CHD7: variants seen among roughly 807,000 people sequenced by gnomAD.
CHD7 encodes ATP-dependent chromatin remodeler CHD7.
A neutral mutation model predicts 307.3 loss-of-function variants in CHD7; 24 were observed. The ratio of observed to expected loss-of-function variants is 0.08; its 90% confidence interval spans 0.06 to 0.11. The LOEUF (loss-of-function observed/expected upper bound fraction) is 0.11. Among genes scored for constraint, CHD7 ranks in the 10% least tolerant of loss-of-function variants. The probability of loss-of-function intolerance (pLI) is 1.00; values close to 1 mark genes in which losing one functional copy is unlikely to be tolerated. For synonymous variants in CHD7, 1,363 were observed against 1,349.9 expected (o/e 1.01, Z -0.21); for missense variants, 3,106 against 3,727.1 (o/e 0.83, Z 4.34).
chr8:60,725,256 C>T (rs1029405342), intron 1 of CHD7, among the ~76,000 whole-genome samples: 4 of 152,066 alleles, frequency 2.6e-5, no homozygotes, highest in African/African-American at 7.2e-5. Context: ...AAGGAATGTT[C>T]GGTTATCTCT....
At chr8:60,841,150 A>G (rs1180135424) in intron 19 of CHD7, among the ~76,000 whole-genome samples, 1 of 152,180 alleles carries the variant, frequency 6.6e-6, no homozygotes, top group Non-Finnish European at 1.5e-5. Context: ...GTTAACATAT[A>G]CAGACACTGC....
chr8:60,805,785 A>C (rs1812508589), intron 6 of CHD7, among the ~76,000 whole-genome samples: 1 of 152,226 alleles, frequency 6.6e-6, no homozygotes, highest in East Asian at 1.9e-4. Flanking sequence ...GAGCATAGAC[A>C]TGATAAATCT....
intron 1 of CHD7, among the ~76,000 whole-genome samples, chr8:60,731,903 T>A (rs1333926831): frequency 1.3e-5 from 2 of 152,266 alleles, no homozygotes; most frequent in Non-Finnish European, 2.9e-5. Flanking sequence ...TTGCATTGCC[T>A]TAACAGGCAT....
At chr8:60,795,645 A>C (rs894785916) in intron 4 of CHD7, among the ~76,000 whole-genome samples, 5 of 152,204 alleles carry the variant, frequency 3.3e-5, no homozygotes, top group African/African-American at 1.2e-4. Flanking sequence ...TGACTTTCCA[A>C]ATGGCAACTC....
chr8:60,779,107 A>C (rs1811084475), intron 2 of CHD7, among the ~76,000 whole-genome samples: 1 of 152,174 alleles, frequency 6.6e-6, no homozygotes, highest in African/African-American at 2.4e-5. Flanking sequence ...GGCAATAAGT[A>C]TTTTAAGATT....
intron 1 of CHD7, among the ~76,000 whole-genome samples, chr8:60,693,099 A>G (rs973725193): frequency 6.6e-6 from 1 of 152,064 alleles, no homozygotes; most frequent in African/African-American, 2.4e-5. Context: ...GGTCCTGGCA[A>G]CCCAGCTGAT....
In CHD7 at chr8:60,866,092, G is replaced by A; in HGVS notation, c.*159G>A. 1.6e-6 allele frequency: 1 copy of A among 631,888 alleles called. No individual in the cohort carries two copies. Among genetic ancestry groups the A allele is most frequent in the Non-Finnish European group, 2.8e-6 (1 of 362,760 alleles). The allele number at this position is 631,888 out of a possible 1,614,324, so 39.1% of individuals were successfully genotyped here. On this transcript the variant is annotated 3_prime_UTR_variant, in exon 38 of 38. Coordinates refer to ENST00000423902, the MANE Select transcript of CHD7 (RefSeq NM_017780.4). ...GTCATGTTATACAGGTGTGTCAAAAGGTATCTTGGTCATTAAGTATTGTGC... is the reference window on the plus strand; with the variant it reads ...GTCATGTTATACAGGTGTGTCAAAAAGTATCTTGGTCATTAAGTATTGTGC...
chr8:60,817,023 T>C (rs1586380465), intron 8 of CHD7, among the ~76,000 whole-genome samples: 1 of 152,226 alleles, frequency 6.6e-6, no homozygotes, highest in East Asian at 1.9e-4. Context: ...CAGGTATCAG[T>C]ATAGAAGTAC....
intron 6 of CHD7, among the ~76,000 whole-genome samples, chr8:60,804,568 T>C (rs879374294): frequency 1.3e-5 from 2 of 152,340 alleles, no homozygotes; most frequent in Admixed American, 1.3e-4. Context: ...GTGTCTCTAG[T>C]AAAGTATACA....
chr8:60,754,792 TG>T (rs1265378739), intron 2 of CHD7, among the ~76,000 whole-genome samples: 1 of 152,248 alleles, frequency 6.6e-6, no homozygotes, highest in Non-Finnish European at 1.5e-5. Flanking sequence ...GTTGACGTCC[TG>T]TTTCATATTG....
chr8:60,709,311 G>A (rs1364240251), intron 1 of CHD7, among the ~76,000 whole-genome samples: 1 of 152,118 alleles, frequency 6.6e-6, no homozygotes, highest in Non-Finnish European at 1.5e-5. Context: ...TGCTTGACTG[G>A]AACTCAGCTA....
In CHD7 at chr8:60,818,914, A is replaced by G. The variant is rs77382327; in HGVS notation, c.2614-1093A>G. On this transcript the variant is annotated intron_variant, in intron 8 of 37. Transcript: ENST00000423902. The stretch of plus-strand genomic sequence containing the variant: ...TGTGTCTTTTGTTTTCTAACATCTG[A>G]AACTTGTCTGACCCTAACTTCTTTT... Among the ~76,000 whole-genome samples the G allele has an allele frequency of 4.7e-3, 717 of 152,326 alleles. 10 individuals carry two copies. The highest frequency in any genetic ancestry group is 0.016 in the African/African-American group (667 of 41,576).
intron 1 of CHD7, among the ~76,000 whole-genome samples, chr8:60,698,777 C>T (rs967787072): frequency 2.6e-5 from 4 of 152,170 alleles, no homozygotes; most frequent in African/African-American, 7.2e-5. Context: ...CTTTTCTTCT[C>T]TTCTCTTTCT....
intron 32 of CHD7, 145 bp from the exon 33 acceptor site, chr8:60,855,829 AT>A: frequency 4.8e-6 from 3 of 622,356 alleles, no homozygotes; most frequent in Non-Finnish European, 8.4e-6. Context: ...TTCTTGTTTG[AT>A]TTCTTGCCTT....
At chr8:60,815,545 A>AGT (rs1170353537) in intron 7 of CHD7, among the ~76,000 whole-genome samples, 1 of 152,156 alleles carries the variant, frequency 6.6e-6, no homozygotes, top group African/African-American at 2.4e-5. Flanking sequence ...TGTACCTGTG[A>AGT]GTGTTGGAGA....
chr8:60,702,417 ATGT>A (rs1406842849), intron 1 of CHD7, among the ~76,000 whole-genome samples: 2 of 152,282 alleles, frequency 1.3e-5, no homozygotes, highest in East Asian at 3.9e-4. Flanking sequence ...TTCATATCAC[ATGT>A]TGTGTCTTAT....
chr8:60,777,406 C>T (rs1018055066), intron 2 of CHD7, among the ~76,000 whole-genome samples: 1 of 152,104 alleles, frequency 6.6e-6, no homozygotes, highest in Non-Finnish European at 1.5e-5. Context: ...GTAATTAAGG[C>T]AAAACATGAT....
Position 60,778,172 on chromosome 8 carries a change from C to T in CHD7, c.1666-2828C>T, listed in dbSNP as rs184182171. Among the ~76,000 whole-genome samples, 1,343 of 152,130 alleles carry T rather than the reference C, an allele frequency of 8.8e-3. 9 individuals carry two copies. Among genetic ancestry groups the T allele is most frequent in the Middle Eastern group, 0.044 (13 of 294 alleles). On this transcript the variant is annotated intron_variant, in intron 2 of 37. Coordinates refer to ENST00000423902, the MANE Select transcript of CHD7 (RefSeq NM_017780.4). ...TACTGGGAGCTCCAGGTTTTTTTCCCCACATGATTAAGGCAGGCCATCTGT... is the reference window on the plus strand; with the variant it reads ...TACTGGGAGCTCCAGGTTTTTTTCCTCACATGATTAAGGCAGGCCATCTGT...
intron 2 of CHD7, among the ~76,000 whole-genome samples, chr8:60,753,430 TC>T (rs1809735464): frequency 3.9e-5 from 6 of 152,142 alleles, no homozygotes; most frequent in Admixed American, 3.3e-4. Context: ...AAAACATCTT[TC>T]CTTAGATGTG....
Sources: gnomAD v4.1 joint callset for allele counts (sites outside exome capture counted in the v4.1 genomes callset) on GRCh38, gnomAD v4.1.1 for gene constraint, MANE v1.5 for transcripts, NCBI Gene and HGNC (gene_info 2026-07-23, HGNC 2026-07-21) for gene names.